The following EXOC4 variants were observed in gnomAD, a reference collection of about 807,000 sequenced individuals.
EXOC4 encodes SEC8-like 1.
Under a neutral mutation model 107.2 loss-of-function variants are expected in EXOC4, and 71 were observed. The observed-to-expected ratio is 0.66, with a 90% confidence interval of 0.55 to 0.81. The LOEUF is 0.81. Among genes scored for constraint, EXOC4 ranks in the 30% least tolerant of loss-of-function variants. The pLI is 0.00. For missense variants in EXOC4, 1,108 were observed against 1,189.6 expected (o/e 0.93, Z 1.01); for synonymous variants, 456 against 441.2 (o/e 1.03, Z -0.42).
chr7:133,254,437 A>G (rs1392845981), intron 1 of EXOC4, among the ~76,000 whole-genome samples: 1 of 152,132 alleles, frequency 6.6e-6, no homozygotes, highest in Non-Finnish European at 1.5e-5. Flanking sequence ...ATCTCATGAT[A>G]CTAAAATTCC....
intron 9 of EXOC4, among the ~76,000 whole-genome samples, chr7:133,504,259 AAATT>A (rs1455433742): frequency 5.9e-5 from 9 of 152,192 alleles, no homozygotes; most frequent in Non-Finnish European, 7.3e-5. Flanking sequence ...AAAATTGAGA[AAATT>A]AATCAAGAGA....
chr7:133,294,765 C>A (rs1794481486), intron 3 of EXOC4, among the ~76,000 whole-genome samples: 1 of 151,964 alleles, frequency 6.6e-6, no homozygotes, highest in Admixed American at 6.6e-5. Flanking sequence ...TTTCTAAGAT[C>A]TTATGTAATA....
At chr7:133,982,177 G>C (rs1793999573) in intron 14 of EXOC4, among the ~76,000 whole-genome samples, 1 of 152,106 alleles carries the variant, frequency 6.6e-6, no homozygotes, top group South Asian at 2.1e-4. Flanking sequence ...AAGATAATCT[G>C]TACAACAAAC....
At chr7:133,387,141 C>T (rs1395881589) in intron 7 of EXOC4, among the ~76,000 whole-genome samples, 2 of 152,270 alleles carry the variant, frequency 1.3e-5, no homozygotes, top group East Asian at 3.9e-4. Flanking sequence ...GATTCTAATG[C>T]ACACTCCTGG....
At chr7:133,414,795 C>T (rs1273206899) in intron 7 of EXOC4, among the ~76,000 whole-genome samples, 1 of 151,770 alleles carries the variant, frequency 6.6e-6, no homozygotes, top group Non-Finnish European at 1.5e-5. Flanking sequence ...TACAGTTTAC[C>T]AATTCAAAGT....
In EXOC4 at chr7:133,881,966, A is replaced by C. The variant is rs368405976; in HGVS notation, c.1735-13633A>C. ...TTGAGGCTTAACCTGCATTCATGTA[A>C]CCACCAACCAGATGCCTTTCCCAGT... On this transcript the variant is annotated intron_variant, in intron 11 of 17. Coordinates refer to ENST00000253861, the MANE Select transcript of EXOC4 (RefSeq NM_021807.4). Among the ~76,000 whole-genome samples the C allele has an allele frequency of 1.4e-4, 22 of 152,320 alleles. No individual in the cohort carries two copies. The East Asian group carries it at 4.2e-3, about 29-fold the overall frequency.
chr7:133,393,633 A>G (rs915812055), intron 7 of EXOC4, among the ~76,000 whole-genome samples: 2 of 152,160 alleles, frequency 1.3e-5, no homozygotes, highest in Non-Finnish European at 2.9e-5. Context: ...CCCTTGTAAA[A>G]GAGGCCCCAG....
chr7:133,472,565 A>T (rs1798904848), intron 7 of EXOC4, among the ~76,000 whole-genome samples: 1 of 152,186 alleles, frequency 6.6e-6, no homozygotes, highest in Non-Finnish European at 1.5e-5. Flanking sequence ...AAATATGTGA[A>T]TATATATCAA....
chr7:133,695,119 G>C (rs1794504692), intron 10 of EXOC4, among the ~76,000 whole-genome samples: 1 of 151,814 alleles, frequency 6.6e-6, no homozygotes, highest in Non-Finnish European at 1.5e-5. Flanking sequence ...ACTGCGCCCG[G>C]CCCCCACTAC....
intron 15 of EXOC4, among the ~76,000 whole-genome samples, chr7:134,002,798 T>A (rs956750158): frequency 2.0e-5 from 3 of 152,102 alleles, no homozygotes; most frequent in Non-Finnish European, 4.4e-5. Context: ...TGACCAAAAA[T>A]TTTTATTTAA....
chr7:134,099,088 C>A, the EXOC4 span, among the ~76,000 whole-genome samples: 1 of 152,060 alleles, frequency 6.6e-6, no homozygotes, highest in Non-Finnish European at 1.5e-5. Context: ...GTCTTAACCC[C>A]CCAGTACCTC....
the EXOC4 span, among the ~76,000 whole-genome samples, chr7:134,085,125 T>C: frequency 6.5e-4 from 99 of 152,328 alleles, no homozygotes; most frequent in African/African-American, 2.4e-3. Context: ...CTTGTCCACC[T>C]ATCAAGTTAG....
In EXOC4 at chr7:134,064,744, C is replaced by T; in HGVS notation, c.*216C>T. The T allele has an allele frequency of 2.9e-6, 1 of 340,164 alleles. No individual in the cohort carries two copies. The highest frequency in any genetic ancestry group is 5.3e-6 in the Non-Finnish European group (1 of 188,590). The allele number at this position is 340,164 out of a possible 1,614,324, so 21.1% of individuals were successfully genotyped here. A position where few individuals can be genotyped will look rare whatever the true frequency, so the allele number is the denominator to read the frequency against. On this transcript the variant is annotated 3_prime_UTR_variant, in exon 18 of 18. Coordinates refer to ENST00000253861, the MANE Select transcript of EXOC4 (RefSeq NM_021807.4). ...TTTTGGTTGAACAACTACTTTAATG[C>T]AGTCAAATCTAACGGGACTAGGGTG... is the stretch of plus-strand genomic sequence containing the variant.
chr7:133,432,541 T>C (rs1797879264), intron 7 of EXOC4, among the ~76,000 whole-genome samples: 1 of 152,198 alleles, frequency 6.6e-6, no homozygotes, highest in Non-Finnish European at 1.5e-5. Flanking sequence ...CCCCCCTTTA[T>C]ATCTGCATCC....
At chr7:133,965,360 T>C (rs1187306415) in intron 14 of EXOC4, among the ~76,000 whole-genome samples, 1 of 152,236 alleles carries the variant, frequency 6.6e-6, no homozygotes, top group East Asian at 1.9e-4. Flanking sequence ...AATTTGGCTG[T>C]TGTTGCCATT....
chr7:133,513,456 T>C (rs1799813488), intron 9 of EXOC4, among the ~76,000 whole-genome samples: 1 of 152,198 alleles, frequency 6.6e-6, no homozygotes, highest in Non-Finnish European at 1.5e-5. Flanking sequence ...TTTTTGAACA[T>C]AATATTTTAA....
At chr7:133,276,117 G>A (rs745778367) in intron 2 of EXOC4, among the ~76,000 whole-genome samples, 4 of 149,946 alleles carry the variant, frequency 2.7e-5, no homozygotes, top group South Asian at 2.1e-4. Flanking sequence ...CTTCCCCCAC[G>A]TTCTTTCTCC....
At chr7:133,532,941 G>T (rs1800207410) in intron 9 of EXOC4, among the ~76,000 whole-genome samples, 1 of 151,888 alleles carries the variant, frequency 6.6e-6, no homozygotes, top group Non-Finnish European at 1.5e-5. Context: ...TTTTTTCTTT[G>T]AGATTTCAGG....
intron 13 of EXOC4, among the ~76,000 whole-genome samples, chr7:133,927,832 A>G (rs1800086121): frequency 6.6e-6 from 1 of 152,242 alleles, no homozygotes; most frequent in Non-Finnish European, 1.5e-5. Flanking sequence ...TCTCAAAACT[A>G]AACAGAAAAG....
Sources: gnomAD v4.1 joint callset for allele counts (sites outside exome capture counted in the v4.1 genomes callset) on GRCh38, gnomAD v4.1.1 for gene constraint, MANE v1.5 for transcripts, NCBI Gene and HGNC (gene_info 2026-07-23, HGNC 2026-07-21) for gene names.